ZNF684: variants seen among roughly 807,000 people sequenced by gnomAD.
ZNF684 encodes zinc finger protein 684.
A neutral mutation model predicts 12.8 loss-of-function variants in ZNF684; 13 were observed. That is an observed-to-expected ratio of 1.02 (90% CI 0.66 to 1.62). The LOEUF (loss-of-function observed/expected upper bound fraction) is 1.62. Among genes scored for constraint, ZNF684 ranks in the 40% most tolerant of loss-of-function variants. The probability of loss-of-function intolerance (pLI) is 0.00; values close to 1 mark genes in which losing one functional copy is unlikely to be tolerated. For missense variants in ZNF684, 384 were observed against 446.9 expected, an observed-to-expected ratio of 0.86 and a Z score of 1.27; for synonymous variants, 118 against 151.8, an observed-to-expected ratio of 0.78 and a Z score of 1.64.
intron 2 of ZNF684, among the ~76,000 whole-genome samples, chr1:40,539,135 T>C (rs954667033): frequency 6.6e-6 from 1 of 151,718 alleles, no homozygotes; most frequent in African/African-American, 2.4e-5. Context: ...GTTCAAGCAA[T>C]TCTCCTGCCT....
At position 40,540,636 on chromosome 1, in the gene ZNF684, G is replaced by A. The variant is rs967693916; in HGVS notation, c.66G>A (p.Trp22Ter). ...DVAVDFTAEE[W>*]QLLDCAERTL... is the part of the protein sequence containing the mutation. ...CTGTGGATTTCACTGCAGAGGAGTGGCAGCTGCTTGATTGTGCTGAGAGAA... is the reference window on the plus strand; with the variant it reads ...CTGTGGATTTCACTGCAGAGGAGTGACAGCTGCTTGATTGTGCTGAGAGAA... Residue 22 changes from tryptophan (W) to a stop codon, truncating the protein, a stop_gained, in exon 3 of 5, where the codon TGG (tryptophan) becomes TGA (stop). Coordinates refer to ENST00000372699, the MANE Select transcript of ZNF684 (RefSeq NM_152373.4). LOFTEE classifies it high-confidence loss of function. The A allele has an allele frequency of 4.3e-6, 7 of 1,612,970 alleles. No homozygotes were observed. The highest frequency in any genetic ancestry group is 5.9e-6 in the Non-Finnish European group (7 of 1,179,438).
At position 40,547,568 on chromosome 1, in the gene ZNF684, T is replaced by G. The variant is rs1299918434; in HGVS notation, c.*108T>G. On this transcript the variant is annotated 3_prime_UTR_variant, in exon 5 of 5. Coordinates refer to ENST00000372699, the MANE Select transcript of ZNF684 (RefSeq NM_152373.4). ...TACAATTTAAATGAATTTGGAAGAG[T>G]AGATTCCCATAAAAAACAACCAATG... The G allele has an allele frequency of 1.9e-6, 2 of 1,078,126 alleles. No homozygotes were observed. Among genetic ancestry groups the G allele is most frequent in the Non-Finnish European group, 2.5e-6 (2 of 788,452 alleles). The allele number at this position is 1,078,126 out of a possible 1,614,324, so 66.8% of individuals were successfully genotyped here.
At chr1:40,539,744 T>C (rs191489666) in intron 2 of ZNF684, among the ~76,000 whole-genome samples, 1 of 152,144 alleles carries the variant, frequency 6.6e-6, no homozygotes, top group Non-Finnish European at 1.5e-5. Context: ...CTTTTTATTT[T>C]TTTTTCTTTC....
chr1:40,541,722 A>G lies in ZNF684; in HGVS notation c.238+12A>G. The G allele has an allele frequency of 1.2e-6, 2 of 1,607,196 alleles. No individual in the cohort carries two copies. The highest frequency in any genetic ancestry group is 1.3e-5 in the African/African-American group (1 of 74,878). ...CGAGAGCTCTCCAGGTGAGTGAGAG[A>G]AATTCAGATGGGGCTGTGTGGAGTT... On this transcript the variant is annotated intron_variant, in intron 4 of 4. Transcript: ENST00000372699.
rs925234122 is a variant in ZNF684 at position 40,541,981 on chromosome 1, T to C, written c.238+271T>C. ...CTGTTTCATCTAGGTCCTTGCTTTG[T>C]TTATGTTCTCTTAATTCCTAAAACC... On this transcript the variant is annotated intron_variant, in intron 4 of 4. Coordinates refer to ENST00000372699, the MANE Select transcript of ZNF684 (RefSeq NM_152373.4). Among the ~76,000 whole-genome samples, 5 of 152,304 alleles carry C rather than the reference T, an allele frequency of 3.3e-5. No homozygotes were observed. In the East Asian group the frequency reaches 5.8e-4, roughly 18 times the overall value.
intron 2 of ZNF684, among the ~76,000 whole-genome samples, chr1:40,535,065 TTA>T (rs767096670): frequency 2.6e-5 from 4 of 152,194 alleles, no homozygotes; most frequent in Non-Finnish European, 5.9e-5. Flanking sequence ...TAAGAGTTCT[TTA>T]GTTGATTCTT....
intron 1 of ZNF684, among the ~76,000 whole-genome samples, chr1:40,532,021 T>G (rs1645960682): frequency 6.6e-6 from 1 of 152,136 alleles, no homozygotes. Flanking sequence ...TTCCTGCTCT[T>G]GTAGGTCAAG....
chr1:40,540,709 G>A lies in ZNF684; in HGVS notation c.139G>A (p.Val47Met), dbSNP rs1320782758. The A allele has an allele frequency of 6.2e-7, 1 of 1,601,604 alleles. No homozygotes were observed. Among genetic ancestry groups the A allele is most frequent in the Non-Finnish European group, 8.5e-7 (1 of 1,174,174 alleles). The change falls in exon 3 of 5, where the codon GTG (valine) becomes ATG (methionine). Residue 47 changes from valine (V) to methionine (M), a missense_variant. Val to Met is a conservative substitution (Grantham distance 21). Transcript: ENST00000372699. The part of the protein sequence containing the change: ...MLENYRNLIS[V>M]GCPITKTKVI... ...GGAGAACTATAGAAACCTCATCTCAGTGGGTAAGGACAATGAGTGGTAACT... is the reference window on the plus strand; with the variant it reads ...GGAGAACTATAGAAACCTCATCTCAATGGGTAAGGACAATGAGTGGTAACT...
At chr1:40,543,393 GA>G (rs1646026210) in intron 4 of ZNF684, among the ~76,000 whole-genome samples, 1 of 150,862 alleles carries the variant, frequency 6.6e-6, no homozygotes, top group Admixed American at 6.6e-5. Context: ...TACTTACCCA[GA>G]ATTATCCATC....
chr1:40,533,912 C>T (rs1027811953), intron 2 of ZNF684, among the ~76,000 whole-genome samples: 4 of 150,336 alleles, frequency 2.7e-5, no homozygotes, highest in Non-Finnish European at 5.9e-5. Context: ...CAACCTCTAC[C>T]TCCCAGGTTC....
intron 2 of ZNF684, among the ~76,000 whole-genome samples, chr1:40,540,285 T>A (rs754311631): frequency 1.3e-5 from 2 of 152,198 alleles, no homozygotes; most frequent in African/African-American, 4.8e-5. Context: ...TCTTATATGA[T>A]GTAAAATGGA....
chr1:40,538,222 G>C (rs559900975), intron 2 of ZNF684, among the ~76,000 whole-genome samples: 6 of 151,842 alleles, frequency 4.0e-5, no homozygotes, highest in Admixed American at 3.9e-4. Context: ...CAAACTCCTG[G>C]GCTCAAGTGA....
chr1:40,543,278 T>C (rs1304435910), intron 4 of ZNF684, among the ~76,000 whole-genome samples: 1 of 152,242 alleles, frequency 6.6e-6, no homozygotes, highest in African/African-American at 2.4e-5. Flanking sequence ...TCCAAATTAT[T>C]CTATTTCTGT....
intron 2 of ZNF684, among the ~76,000 whole-genome samples, chr1:40,534,795 C>T (rs1167411160): frequency 6.6e-6 from 1 of 151,414 alleles, no homozygotes; most frequent in Non-Finnish European, 1.5e-5. Flanking sequence ...GAGTTCAAGA[C>T]CAGCCTGGGC....
In ZNF684 at chr1:40,533,113, C is replaced by G. The variant is rs373412223; in HGVS notation, c.-24-30C>G. 1.3e-4 allele frequency: 203 copies of G among 1,597,304 alleles called. 1 individual carries two copies. The highest frequency in any genetic ancestry group is 1.7e-4 in the Non-Finnish European group (199 of 1,165,626). On this transcript the variant is annotated intron_variant, in intron 1 of 4. Coordinates refer to ENST00000372699, the MANE Select transcript of ZNF684 (RefSeq NM_152373.4). ...TGCAGTCCTGGTATCTCAGGTCTTT[C>G]TATTCTCTTCCCCATTTCTACTTTC... is the stretch of plus-strand genomic sequence containing the variant.
chr1:40,546,709 GA>G lies in ZNF684; in HGVS notation c.393del (p.Lys131AsnfsTer14), dbSNP rs760649229. 3 of 1,613,506 alleles carry G rather than the reference GA, an allele frequency of 1.9e-6. No homozygotes were observed. The highest frequency in any genetic ancestry group is 1.7e-6 in the Non-Finnish European group (2 of 1,179,914). ...YNMSTSLNPMRKKSYKSFEKC... is the reference protein window; with the variant it reads ...YNMSTSLNPMXKKSYKSFEKC... ...ATGAGCACAAGTCTTAATCCAATGA[GA>G]AAAAAATCATATAAATCGTTTGAGA... On this transcript the variant is annotated frameshift_variant, in exon 5 of 5. Transcript: ENST00000372699. LOFTEE classifies it low-confidence loss of function (END_TRUNC).
chr1:40,543,483 G>C (rs1214073842), intron 4 of ZNF684, among the ~76,000 whole-genome samples: 1 of 145,122 alleles, frequency 6.9e-6, no homozygotes, highest in African/African-American at 2.6e-5. Context: ...TCGAGACAGA[G>C]TCTTGCTCTG....
chr1:40,537,026 C>T (rs1454562525), intron 2 of ZNF684, among the ~76,000 whole-genome samples: 1 of 152,094 alleles, frequency 6.6e-6, no homozygotes, highest in African/African-American at 2.4e-5. Context: ...TGGGTATATA[C>T]CCAGTAATGG....
At position 40,547,055 on chromosome 1, in the gene ZNF684, G is replaced by T; in HGVS notation, c.732G>T (p.Glu244Asp). The change falls in exon 5 of 5, where the codon GAG (glutamate) becomes GAT (aspartate). Residue 244 changes from glutamate to aspartate, a missense_variant. Glu to Asp is a conservative substitution (Grantham distance 45). Transcript: ENST00000372699. ...TTCACACTGGAGAGAAGCCTTATGA[G>T]TGCAGTCAATGTGGGAAAACATTCA... ...QRLHTGEKPY[E>D]CSQCGKTFTW... 3 of 1,614,164 alleles carry T rather than the reference G, an allele frequency of 1.9e-6. No individual in the cohort carries two copies. The highest frequency in any genetic ancestry group is 2.5e-6 in the Non-Finnish European group (3 of 1,180,032).
Sources: gnomAD v4.1 joint callset for allele counts (sites outside exome capture counted in the v4.1 genomes callset) on GRCh38, gnomAD v4.1.1 for gene constraint, MANE v1.5 for transcripts, NCBI Gene and HGNC (gene_info 2026-07-23, HGNC 2026-07-21) for gene names.